Variants in EPAS1 observed in about 807,000 individuals in gnomAD.
EPAS1 encodes the protein endothelial PAS domain-containing protein 1.
A neutral mutation model predicts 87.9 loss-of-function variants in EPAS1; 23 were observed. The observed-to-expected ratio is 0.26, with a 90% CI of 0.19 to 0.37. The LOEUF is 0.37. EPAS1 is among the 10% of genes least tolerant of loss of function. The pLI is 1.00. For synonymous variants in EPAS1, 508 were observed against 444.3 expected (o/e 1.14, Z -1.80); for missense variants, 1,138 against 1,120.7 (o/e 1.02, Z -0.22).
At chr2:46,304,940 T>C (rs1683079153) in intron 1 of EPAS1, among the ~76,000 whole-genome samples, 2 of 152,258 alleles carry the variant, frequency 1.3e-5, no homozygotes. Flanking sequence ...TGATGAGCCC[T>C]GAGCCTTAAC....
intron 1 of EPAS1, among the ~76,000 whole-genome samples, chr2:46,307,172 G>A (rs1364467032): frequency 6.6e-6 from 1 of 152,214 alleles, no homozygotes; most frequent in Non-Finnish European, 1.5e-5. Flanking sequence ...TCGAATGGCA[G>A]CGTTCACTCC....
chr2:46,304,183 A>G (rs1192569423), intron 1 of EPAS1, among the ~76,000 whole-genome samples: 1 of 152,202 alleles, frequency 6.6e-6, no homozygotes, highest in African/African-American at 2.4e-5. Flanking sequence ...AACACAAAAA[A>G]CTGACAGTCT....
intron 1 of EPAS1, among the ~76,000 whole-genome samples, chr2:46,309,779 T>G (rs1683175684): frequency 1.3e-5 from 2 of 152,166 alleles, no homozygotes; most frequent in Non-Finnish European, 2.9e-5. Flanking sequence ...AGGCCTGGGC[T>G]GGTGTTGGGA....
At chr2:46,363,683 TAAAG>T (rs1369119875) in intron 6 of EPAS1, among the ~76,000 whole-genome samples, 1 of 152,204 alleles carries the variant, frequency 6.6e-6, no homozygotes, top group Non-Finnish European at 1.5e-5. Flanking sequence ...GCTTCTGGCT[TAAAG>T]GAAGTATCAA....
At chr2:46,307,454 C>T (rs966999569) in intron 1 of EPAS1, among the ~76,000 whole-genome samples, 3 of 152,246 alleles carry the variant, frequency 2.0e-5, no homozygotes, top group South Asian at 2.1e-4. Flanking sequence ...CGTTGTGCAG[C>T]GGGAGTCTGT....
chr2:46,357,143 T>C (rs1360211660), intron 4 of EPAS1, among the ~76,000 whole-genome samples: 1 of 152,210 alleles, frequency 6.6e-6, no homozygotes, highest in Non-Finnish European at 1.5e-5. Flanking sequence ...AACTAGTCTG[T>C]GCCAAAGTGC....
rs189729642 is a variant in EPAS1 at position 46,342,241 on chromosome 2, C to A, written c.27-4632C>A. Among the ~76,000 whole-genome samples, 117 of 152,330 alleles carry A rather than the reference C, an allele frequency of 7.7e-4. 2 individuals are homozygous for A. The highest frequency in any genetic ancestry group is 7.2e-3 in the Admixed American group (110 of 15,300). On this transcript the variant is annotated intron_variant, in intron 1 of 15. Transcript: ENST00000263734. ...CAGTTAAGTATGGGGACCAGTGACT[C>A]TTTCTCATCTCTGGAACCTGGAGCT...
intron 1 of EPAS1, among the ~76,000 whole-genome samples, chr2:46,317,581 G>A (rs1251982999): frequency 1.3e-5 from 2 of 152,216 alleles, no homozygotes; most frequent in African/African-American, 2.4e-5. Context: ...TTACAGAATG[G>A]TAAATGATAA....
chr2:46,313,769 T>C (rs1171061187), intron 1 of EPAS1, among the ~76,000 whole-genome samples: 3 of 152,150 alleles, frequency 2.0e-5, no homozygotes, highest in East Asian at 1.9e-4. Flanking sequence ...CATAATTTAT[T>C]TGCTTATCAT....
At chr2:46,355,361 G>A (rs543528062) in intron 2 of EPAS1, among the ~76,000 whole-genome samples, 8 of 152,348 alleles carry the variant, frequency 5.3e-5, no homozygotes, top group Non-Finnish European at 1.2e-4. Flanking sequence ...GGCTGATCTA[G>A]GAATAGAACC....
Position 46,356,895 on chromosome 2 carries a change from C to A in EPAS1, c.454+87C>A, listed in dbSNP as rs956555374. 9.3e-6 allele frequency: 9 copies of A among 972,944 alleles called. No homozygotes were observed. The African/African-American group carries it at 1.4e-4, about 16-fold the overall frequency. The allele number at this position is 972,944 out of a possible 1,614,324, so 60.3% of individuals were successfully genotyped here. ...GTCTACGGGTATAAGGGAGATAGCT[C>A]ATGGCCCTTGTGATGCAGGAAAAAT... is the stretch of plus-strand genomic sequence containing the variant. On this transcript the variant is annotated intron_variant, in intron 4 of 15. Coordinates refer to ENST00000263734, the MANE Select transcript of EPAS1 (RefSeq NM_001430.5).
chr2:46,358,806 A>C (rs1014550993), intron 4 of EPAS1, among the ~76,000 whole-genome samples: 1 of 152,200 alleles, frequency 6.6e-6, no homozygotes, highest in African/African-American at 2.4e-5. Context: ...CTAGACCTAA[A>C]GGGTTAGTGT....
chr2:46,329,827 AACAG>A (rs902299247), intron 1 of EPAS1, among the ~76,000 whole-genome samples: 2 of 152,146 alleles, frequency 1.3e-5, no homozygotes, highest in African/African-American at 2.4e-5. Context: ...AAAACAAGCA[AACAG>A]ACAAACAAAA....
intron 9 of EPAS1, among the ~76,000 whole-genome samples, chr2:46,377,259 G>A (rs1469148032): frequency 6.6e-6 from 1 of 152,260 alleles, no homozygotes; most frequent in Non-Finnish European, 1.5e-5. Flanking sequence ...CTTCATTAAA[G>A]TGTCTGCCTG....
rs762589309 is a variant in EPAS1 at position 46,316,385 on chromosome 2, G to A, written c.26+18448G>A. Among the ~76,000 whole-genome samples, 11 of 152,052 alleles carry A rather than the reference G, an allele frequency of 7.2e-5. No homozygotes were observed. In the South Asian group the frequency reaches 8.3e-4, roughly 11 times the overall value. ...GCAATTCTGGTGCCTCAGCACCCCC[G>A]AGTAGCTGGGATTTACAGACATGTG... On this transcript the variant is annotated intron_variant, in intron 1 of 15. Transcript: ENST00000263734.
At chr2:46,356,016 A>G in intron 2 of EPAS1, 135 bp from the exon 3 acceptor site, 1 of 924,498 alleles carries the variant, frequency 1.1e-6, no homozygotes, top group Non-Finnish European at 1.8e-6. Flanking sequence ...AGACATTCAG[A>G]TGGTTGGCAG....
intron 7 of EPAS1, among the ~76,000 whole-genome samples, chr2:46,370,729 C>T (rs1273566917): frequency 6.6e-6 from 1 of 152,212 alleles, no homozygotes; most frequent in Non-Finnish European, 1.5e-5. Context: ...CCACACTTGG[C>T]TTGTAGCTAC....
At chr2:46,341,812 G>A (rs1347203304) in intron 1 of EPAS1, among the ~76,000 whole-genome samples, 1 of 152,100 alleles carries the variant, frequency 6.6e-6, no homozygotes, top group Non-Finnish European at 1.5e-5. Flanking sequence ...GCAAAACTGG[G>A]GCCAATAACA....
At chr2:46,368,658 T>C (rs1326721388) in intron 6 of EPAS1, among the ~76,000 whole-genome samples, 1 of 152,216 alleles carries the variant, frequency 6.6e-6, no homozygotes, top group Non-Finnish European at 1.5e-5. Context: ...CTGCTTCTGC[T>C]TTCCTCTCCG....
Sources: allele counts gnomAD v4.1 joint callset (sites outside exome capture counted in the v4.1 genomes callset), GRCh38; gene constraint gnomAD v4.1.1; transcripts MANE v1.5; gene names NCBI Gene and HGNC (gene_info 2026-07-23, HGNC 2026-07-21).